Variants in MYRF observed in about 807,000 individuals in gnomAD.
The protein encoded by MYRF is myelin regulatory factor, also known as myelin gene regulatory factor.
Under a neutral mutation model 126.3 loss-of-function variants are expected in MYRF, and 16 were observed. The observed-to-expected ratio is 0.13, with a 90% CI of 0.09 to 0.19. The LOEUF is 0.19. MYRF is among the 10% of genes least tolerant of loss of function. The pLI is 1.00. For missense variants in MYRF, 1,104 were observed against 1,547.0 expected (o/e 0.71, Z 4.80); for synonymous variants, 608 against 635.3 (o/e 0.96, Z 0.65).
rs2066617369 is a variant in MYRF at position 61,783,780 on chromosome 11, TGAG to T, written c.3120-67_3120-65del. On this transcript the variant is annotated intron_variant, in intron 23 of 26. Coordinates refer to ENST00000278836, the MANE Select transcript of MYRF (RefSeq NM_001127392.3). This position sits in a 1 kb window ranked among gnomAD's most constrained non-coding sequence, Gnocchi z 4.6. ...GAGGGCTCCAGTACAGATTGGGGGC[TGAG>T]GAGTCCCTGGTGGGGGTGGGGGGTG... The T allele has an allele frequency of 1.3e-6, 2 of 1,487,706 alleles. No homozygotes were observed. The highest frequency in any genetic ancestry group is 1.4e-5 in the African/African-American group (1 of 72,228). 92.2% of individuals were successfully genotyped at this position (1,487,706 alleles called of 1,614,324 possible). A position where few individuals can be genotyped will look rare whatever the true frequency, so the allele number is the denominator to read the frequency against.
chr11:61,777,954 T>C lies in MYRF; in HGVS notation c.1903+109T>C. 1.2e-6 allele frequency: 1 copy of C among 864,000 alleles called. No homozygotes were observed. Among genetic ancestry groups the C allele is most frequent in the South Asian group, 1.5e-5 (1 of 68,256 alleles). The allele number at this position is 864,000 out of a possible 1,614,324, so 53.5% of individuals were successfully genotyped here. On this transcript the variant is annotated intron_variant, in intron 13 of 26. Transcript: ENST00000278836. The surrounding 1 kb of genome is among the most constrained non-coding windows in gnomAD (Gnocchi z 8.8). Reference sequence around the variant, plus strand: ...TCCTACTCCTCTTGACTCCCGGAACTGCGCCCCTGGGAATCATGCCTTCTA... The same window carrying C: ...TCCTACTCCTCTTGACTCCCGGAACCGCGCCCCTGGGAATCATGCCTTCTA...
intron 1 of MYRF, among the ~76,000 whole-genome samples, chr11:61,759,551 T>A (rs2065849434): frequency 6.6e-6 from 1 of 152,092 alleles, no homozygotes; most frequent in Non-Finnish European, 1.5e-5. Flanking sequence ...GCGCCTGTAG[T>A]CCCAGCTCCT....
At chr11:61,784,014 C>A in intron 24 of MYRF, 89 bp downstream of exon 24, 2 of 1,422,892 alleles carry the variant, frequency 1.4e-6, no homozygotes, top group Non-Finnish European at 9.7e-7. Flanking sequence ...CTGAGGACAG[C>A]CGGAGAGTCT....
At chr11:61,771,470 C>T (rs1565291633) in intron 5 of MYRF, 30 bp from the exon 6 acceptor site, 7 of 1,594,580 alleles carry the variant, frequency 4.4e-6, no homozygotes, top group African/African-American at 2.7e-5. Context: ...GGAGAGCCAG[C>T]CCCCACGGCG....
chr11:61,767,460 A>G (rs2066096943), intron 3 of MYRF: 1 of 456,252 alleles, frequency 2.2e-6, no homozygotes, highest in African/African-American at 2.0e-5. Context: ...GTCCAGAGCC[A>G]CACAGGGACT....
chr11:61,777,817 G>C lies in MYRF; in HGVS notation c.1875G>C (p.Ala625=), dbSNP rs2066429845. The C allele has an allele frequency of 6.4e-7, 1 of 1,552,176 alleles. No individual in the cohort carries two copies. Among genetic ancestry groups the C allele is most frequent in the Admixed American group, 2.0e-5 (1 of 51,196 alleles). ...ACAAGCCCGAGTTCGCCGCCAGCGC[G>C]GGCATCGAGGCCACCGCGCCAGAGA... ...YRYKPEFAAS[A]GIEATAPETG... Residue 625 remains alanine (A), a synonymous_variant, in exon 13 of 27, where the codon GCG becomes GCC. Transcript: ENST00000278836. The surrounding 1 kb of genome is among the most constrained non-coding windows in gnomAD (Gnocchi z 8.8).
rs1479435536 is a variant in MYRF, at chr11:61,777,284, C to T, written c.1611C>T (p.Phe537=). The change falls in exon 12 of 27, where the codon TTC becomes TTT. Residue 537 remains phenylalanine, a synonymous_variant. Transcript: ENST00000278836. This position sits in a 1 kb window ranked among gnomAD's most constrained non-coding sequence, Gnocchi z 8.8. ...GGTAGGCCTCCAACCCAGGCCAGTT[C>T]GAGAGCGACAGCGATGTGTTGTGGC... ...IIVRASNPGQ[F]ESDSDVLWQR... is the part of the protein sequence containing the mutation. The T allele has an allele frequency of 4.3e-6, 7 of 1,613,278 alleles. No individual in the cohort carries two copies. The highest frequency in any genetic ancestry group is 1.3e-5 in the African/African-American group (1 of 74,940).
chr11:61,766,592 C>T (rs2066069274), intron 3 of MYRF: 3 of 256,594 alleles, frequency 1.2e-5, no homozygotes, highest in Admixed American at 5.0e-5. Context: ...CCCACTTACG[C>T]ATCCAGCTGA....
chr11:61,765,743 G>C (rs771771119), intron 2 of MYRF, 31 bp downstream of exon 2: 1 of 1,587,262 alleles, frequency 6.3e-7, no homozygotes, highest in South Asian at 1.1e-5. Context: ...GCCTGCACCC[G>C]CCCAGCCCCA....
intron 8 of MYRF, among the ~76,000 whole-genome samples, chr11:61,775,352 C>CT (rs1250446054): frequency 6.6e-6 from 1 of 152,332 alleles, no homozygotes; most frequent in South Asian, 2.1e-4. Context: ...CTGTGGCTCC[C>CT]TTTGCCTTGG....
At position 61,776,776 on chromosome 11, in the gene MYRF, G is replaced by A. The variant is rs997405340; in HGVS notation, c.1500-11G>A. ...GGCCATGAGTACTTCTGAGACCCCTGTGTGTCCCAGGTACTTCATGCTGGT... is the reference window on the plus strand; with the variant it reads ...GGCCATGAGTACTTCTGAGACCCCTATGTGTCCCAGGTACTTCATGCTGGT... On this transcript the variant is annotated splice_polypyrimidine_tract_variant and intron_variant, in intron 10 of 26. Coordinates refer to ENST00000278836, the MANE Select transcript of MYRF (RefSeq NM_001127392.3). This position sits in a 1 kb window ranked among gnomAD's most constrained non-coding sequence, Gnocchi z 4.3. 1 of 1,586,996 alleles carries A rather than the reference G, an allele frequency of 6.3e-7. No homozygotes were observed. The highest frequency in any genetic ancestry group is 1.8e-5 in the Admixed American group (1 of 55,450).
intron 3 of MYRF, among the ~76,000 whole-genome samples, chr11:61,768,119 A>G (rs1385548104): frequency 1.4e-5 from 2 of 147,090 alleles, no homozygotes; most frequent in Non-Finnish European, 3.0e-5. Context: ...CTCTGTCTCA[A>G]AAAAAAAAAA....
At chr11:61,755,119 C>T (rs569227651) in intron 1 of MYRF, among the ~76,000 whole-genome samples, 16 of 152,292 alleles carry the variant, frequency 1.1e-4, no homozygotes, top group East Asian at 3.9e-4. Context: ...CCTGTGCTCT[C>T]GGCTCTGGGC....
At position 61,771,626 on chromosome 11, in the gene MYRF, C is replaced by A. The variant is rs773581477; in HGVS notation, c.867C>A (p.Pro289=). The A allele has an allele frequency of 6.2e-7, 1 of 1,614,024 alleles. No individual in the cohort carries two copies. Among genetic ancestry groups the A allele is most frequent in the East Asian group, 2.2e-5 (1 of 44,852 alleles). ...PGTVTALPLH[P]TRAPSPPWPP... ...CCGTGACAGCCCTGCCTCTGCACCC[C>A]ACTCGAGCCCCATCGCCACCCTGGC... Residue 289 remains proline (P), a synonymous_variant, in exon 6 of 27, where the codon CCC becomes CCA. Transcript: ENST00000278836.
In MYRF at chr11:61,781,297, G is replaced by A. The variant is rs1249310278; in HGVS notation, c.2732G>A (p.Ser911Asn). The stretch of plus-strand genomic sequence containing the variant: ...AGCTTTAACCCTGGCCATGTTCTCA[G>A]CCCAAGTCCCAGCCCCAGCACCAAC... ...GPSFNPGHVL[S>N]PSPSPSTNRS... The change falls in exon 21 of 27, where the codon AGC becomes AAC. Residue 911 changes from serine to asparagine, a missense_variant. Physicochemically the swap from Ser to Asn is conservative, Grantham distance 46. Coordinates refer to ENST00000278836, the MANE Select transcript of MYRF (RefSeq NM_001127392.3). The A allele has an allele frequency of 3.1e-6, 5 of 1,614,080 alleles. No individual in the cohort carries two copies. Among genetic ancestry groups the A allele is most frequent in the Admixed American group, 3.3e-5 (2 of 60,026 alleles).
chr11:61,784,303 T>C lies in MYRF; in HGVS notation c.3218T>C (p.Val1073Ala). 6.2e-7 allele frequency: 1 copy of C among 1,613,864 alleles called. No homozygotes were observed. ...QMNSSSPVSV[V>A]LCSLRSKEEP... is the part of the protein sequence containing the mutation. Reference sequence around the variant, plus strand: ...AGCTCCTCCTCCCCCGTGTCTGTGGTGCTGTGCAGCCTGAGGTCAAAGGAG... The same window carrying C: ...AGCTCCTCCTCCCCCGTGTCTGTGGCGCTGTGCAGCCTGAGGTCAAAGGAG... The change falls in exon 25 of 27, where the codon GTG becomes GCG. Residue 1073 changes from valine to alanine, a missense_variant. Coordinates refer to ENST00000278836, the MANE Select transcript of MYRF (RefSeq NM_001127392.3).
rs1385905526 is a variant in MYRF at position 61,779,867 on chromosome 11, C to G, written c.2273C>G (p.Ala758Gly). ...SKSSSVVPDQ[A>G]CISQRFLQGT... ...TCATCGTCCGTGGTTCCGGACCAGG[C>G]CTGCATCAGCCAGCGCTTCCTGCAG... Residue 758 changes from alanine to glycine, a missense_variant, in exon 17 of 27, where the codon GCC becomes GGC. Physicochemically the swap from Ala to Gly is moderately conservative, Grantham distance 60 (BLOSUM62 0). Coordinates refer to ENST00000278836, the MANE Select transcript of MYRF (RefSeq NM_001127392.3). 2 of 1,614,056 alleles carry G rather than the reference C, an allele frequency of 1.2e-6. No homozygotes were observed. Among genetic ancestry groups the G allele is most frequent in the African/African-American group, 2.7e-5 (2 of 74,952 alleles).
In MYRF at chr11:61,778,653, G is replaced by C. The variant is rs575968929; in HGVS notation, c.2013+164G>C. On this transcript the variant is annotated intron_variant, in intron 14 of 26. Transcript: ENST00000278836. The surrounding 1 kb of genome is among the most constrained non-coding windows in gnomAD (Gnocchi z 4.6). ...GCCCTCTGCACCCCACAGGGAAGGG[G>C]TGAGTGTTCAAGGAGATGAGTGGGT... is the stretch of plus-strand genomic sequence containing the variant. Among the ~76,000 whole-genome samples the C allele has an allele frequency of 6.6e-6, 1 of 152,188 alleles. No homozygotes were observed. Among genetic ancestry groups the C allele is most frequent in the Non-Finnish European group, 1.5e-5 (1 of 68,032 alleles).
Position 61,783,784 on chromosome 11 carries a change from G to C in MYRF, c.3120-67G>C, listed in dbSNP as rs1008789861. 1 of 1,497,616 alleles carries C rather than the reference G, an allele frequency of 6.7e-7. No homozygotes were observed. Among genetic ancestry groups the C allele is most frequent in the African/African-American group, 1.4e-5 (1 of 72,464 alleles). 92.8% of individuals were successfully genotyped at this position (1,497,616 alleles called of 1,614,324 possible). A position where few individuals can be genotyped will look rare whatever the true frequency, so the allele number is the denominator to read the frequency against. On this transcript the variant is annotated intron_variant, in intron 23 of 26. Coordinates refer to ENST00000278836, the MANE Select transcript of MYRF (RefSeq NM_001127392.3). This position sits in a 1 kb window ranked among gnomAD's most constrained non-coding sequence, Gnocchi z 4.6. The stretch of plus-strand genomic sequence containing the variant: ...GCTCCAGTACAGATTGGGGGCTGAG[G>C]AGTCCCTGGTGGGGGTGGGGGGTGG...
Sources: allele counts gnomAD v4.1 joint callset (sites outside exome capture counted in the v4.1 genomes callset), GRCh38; gene constraint gnomAD v4.1.1; non-coding constraint Gnocchi (gnomAD v3.1); transcripts MANE v1.5; gene names NCBI Gene and HGNC (gene_info 2026-07-23, HGNC 2026-07-21).